CCBE1: variants seen among roughly 807,000 people sequenced by gnomAD.
CCBE1 encodes the protein collagen and calcium binding EGF domains 1.
In CCBE1, 37 loss-of-function variants were observed where a neutral mutation model predicts 50.0. The ratio of observed to expected loss-of-function variants is 0.74; its 90% CI spans 0.57 to 0.97. CCBE1 has a LOEUF of 0.97. Among genes scored for constraint, CCBE1 ranks in the 50% least tolerant of loss-of-function variants. The pLI, the probability that CCBE1 is intolerant of heterozygous loss-of-function variation, is 0.00. For missense variants in CCBE1, 538 were observed against 523.8 expected (o/e 1.03, Z -0.26); for synonymous variants, 234 against 203.7 (o/e 1.15, Z -1.27).
intron 2 of CCBE1, among the ~76,000 whole-genome samples, chr18:59,640,097 A>G (rs755799428): frequency 2.0e-5 from 3 of 152,164 alleles, no homozygotes; most frequent in Non-Finnish European, 4.4e-5. Context: ...TTCCTATGAA[A>G]CTACTACTGA....
At position 59,696,702 on chromosome 18, in the gene CCBE1, A is replaced by G; in HGVS notation, c.139T>C (p.Cys47Arg). Residue 47 changes from cysteine to arginine, a missense_variant, in exon 2 of 11, where the codon TGC (cysteine) becomes CGC (arginine). Physicochemically the swap from Cys to Arg is radical, Grantham distance 180 (BLOSUM62 -3). Transcript: ENST00000439986. ...GTCGTCGCGATTTTGCTCTCTGAGC[A>G]GATTTCTCTATGAAAAAGTGCAGAG... ...EEPEDGDREI[C>R]SESKIATTKY... 6.2e-7 allele frequency: 1 copy of G among 1,613,936 alleles called. No individual in the cohort carries two copies. The highest frequency in any genetic ancestry group is 8.5e-7 in the Non-Finnish European group (1 of 1,179,878).
intron 2 of CCBE1, among the ~76,000 whole-genome samples, chr18:59,575,876 T>A (rs74436763): frequency 6.6e-6 from 1 of 152,198 alleles, no homozygotes; most frequent in Non-Finnish European, 1.5e-5. Context: ...CTGGAATCGA[T>A]AAGTATACAG....
At chr18:59,630,248 T>G (rs2053834156) in intron 2 of CCBE1, among the ~76,000 whole-genome samples, 1 of 145,982 alleles carries the variant, frequency 6.9e-6, no homozygotes, top group African/African-American at 2.6e-5. Context: ...GAAGATAAAT[T>G]TATTATTTGA....
chr18:59,658,067 T>A (rs1160084984), intron 2 of CCBE1, among the ~76,000 whole-genome samples: 1 of 151,692 alleles, frequency 6.6e-6, no homozygotes, highest in Non-Finnish European at 1.5e-5. Flanking sequence ...TGTGTGACCT[T>A]AGGCAGGGTG....
At chr18:59,458,752 T>G (rs1355113351) in intron 5 of CCBE1, among the ~76,000 whole-genome samples, 5 of 152,244 alleles carry the variant, frequency 3.3e-5, no homozygotes, top group Admixed American at 3.3e-4. Flanking sequence ...GAGCTATCTG[T>G]CGGCCAGGCT....
At chr18:59,693,524 T>C (rs2054765238) in intron 2 of CCBE1, among the ~76,000 whole-genome samples, 1 of 152,130 alleles carries the variant, frequency 6.6e-6, no homozygotes, top group South Asian at 2.1e-4. Flanking sequence ...GGTTAAATCT[T>C]CTTTTGCCCA....
At chr18:59,447,883 G>A (rs953066677) in intron 7 of CCBE1, 100 bp downstream of exon 7, 13 of 1,569,052 alleles carry the variant, frequency 8.3e-6, no homozygotes, top group African/African-American at 2.7e-5. Flanking sequence ...GTTTCTCCTC[G>A]ATGGAAGCTG....
chr18:59,559,244 T>C (rs8088556), intron 2 of CCBE1, among the ~76,000 whole-genome samples: 2,365 of 152,316 alleles, frequency 0.016, 81 homozygotes, highest in African/African-American at 0.054. Flanking sequence ...CTGGCTGAGT[T>C]GGATGGGTGT....
chr18:59,555,425 C>T (rs1041639143), intron 2 of CCBE1, among the ~76,000 whole-genome samples: 1 of 152,178 alleles, frequency 6.6e-6, no homozygotes, highest in Non-Finnish European at 1.5e-5. Flanking sequence ...CATGTTCCAT[C>T]TCTGCTCCAT....
chr18:59,467,898 T>C (rs1372761986), intron 4 of CCBE1, among the ~76,000 whole-genome samples: 1 of 152,202 alleles, frequency 6.6e-6, no homozygotes, highest in African/African-American at 2.4e-5. Context: ...CTATGTCACC[T>C]GTAGACCGGA....
intron 2 of CCBE1, among the ~76,000 whole-genome samples, chr18:59,529,475 G>A (rs919665130): frequency 2.1e-4 from 32 of 152,354 alleles, no homozygotes; most frequent in African/African-American, 7.5e-4. Flanking sequence ...TGGGACCCAA[G>A]GCCCTGGTGG....
chr18:59,683,287 A>G (rs2054616603), intron 2 of CCBE1, among the ~76,000 whole-genome samples: 1 of 152,264 alleles, frequency 6.6e-6, no homozygotes, highest in South Asian at 2.1e-4. Flanking sequence ...GCATGTGTCA[A>G]ACGTGTTAGG....
rs962127005 is a variant in CCBE1 at position 59,432,092 on chromosome 18, T to G, written c.*3816A>C. ...TCTCAGCTTCCCGAGTAGCTGAGAC[T>G]ACAGGCGTGCACCACCACGCCTGGC... On this transcript the variant is annotated 3_prime_UTR_variant, in exon 11 of 11. Transcript: ENST00000439986. The G allele has an allele frequency of 6.6e-6, 1 of 152,252 alleles. No homozygotes were observed. The highest frequency in any genetic ancestry group is 2.4e-5 in the African/African-American group (1 of 41,444). The allele number at this position is 152,252 out of a possible 1,614,324, so 9.4% of individuals were successfully genotyped here. A position where few individuals can be genotyped will look rare whatever the true frequency, so the allele number is the denominator to read the frequency against.
chr18:59,442,939 T>C (rs760053178), intron 7 of CCBE1, among the ~76,000 whole-genome samples: 1 of 152,142 alleles, frequency 6.6e-6, no homozygotes, highest in Non-Finnish European at 1.5e-5. Context: ...CCTGCCCAGC[T>C]CCCTTCTATG....
At chr18:59,661,677 G>T (rs750475066) in intron 2 of CCBE1, among the ~76,000 whole-genome samples, 3 of 152,088 alleles carry the variant, frequency 2.0e-5, no homozygotes, top group Non-Finnish European at 2.9e-5. Flanking sequence ...TTATTTAATA[G>T]ATTCTGTTGG....
chr18:59,594,201 A>G (rs1227640031), intron 2 of CCBE1, among the ~76,000 whole-genome samples: 2 of 152,222 alleles, frequency 1.3e-5, no homozygotes, highest in African/African-American at 2.4e-5. Context: ...CTGTTTAACA[A>G]TGATCCCAAT....
chr18:59,629,314 A>T (rs2053824321), intron 2 of CCBE1, among the ~76,000 whole-genome samples: 1 of 152,202 alleles, frequency 6.6e-6, no homozygotes, highest in Non-Finnish European at 1.5e-5. Flanking sequence ...CTCAAAGGTC[A>T]TCTTCAAGGA....
At chr18:59,668,360 T>A (rs1296648613) in intron 2 of CCBE1, among the ~76,000 whole-genome samples, 1 of 151,884 alleles carries the variant, frequency 6.6e-6, no homozygotes, top group East Asian at 1.9e-4. Context: ...GAGGTTGCAG[T>A]GAGCTGAGAT....
chr18:59,544,216 C>T (rs932728794), intron 2 of CCBE1, among the ~76,000 whole-genome samples: 4 of 152,192 alleles, frequency 2.6e-5, no homozygotes, highest in African/African-American at 9.6e-5. Context: ...ATTTTTCTAA[C>T]TCCCAGAAAG....
Sources: gnomAD v4.1 joint callset for allele counts (sites outside exome capture counted in the v4.1 genomes callset) on GRCh38, gnomAD v4.1.1 for gene constraint, MANE v1.5 for transcripts, NCBI Gene and HGNC (gene_info 2026-07-23, HGNC 2026-07-21) for gene names.